The following DEFB110 variants were observed in gnomAD, a reference collection of about 807,000 sequenced individuals.
The protein encoded by DEFB110 is defensin beta 110, also known as beta-defensin 110.
In DEFB110, 4 loss-of-function variants were observed where a neutral mutation model predicts 2.5. That is an observed-to-expected ratio of 1.60 (90% CI 0.79 to 3.66). The LOEUF is 3.66. DEFB110 is among the 30% of genes most tolerant of loss of function. The probability of loss-of-function intolerance (pLI) is 0.01; values close to 1 mark genes in which losing one functional copy is unlikely to be tolerated. For missense variants in DEFB110, 94 were observed against 75.4 expected (o/e 1.25, Z -0.91); for synonymous variants, 29 against 21.8 (o/e 1.33, Z -0.92).
At chr6:50,010,259 T>C (rs1469906485) in intron 1 of DEFB110, among the ~76,000 whole-genome samples, 2 of 151,940 alleles carry the variant, frequency 1.3e-5, no homozygotes, top group African/African-American at 2.4e-5. Context: ...ATGAATTGAA[T>C]TGAATTCAGA....
At chr6:50,013,654 T>C (rs976435168) in intron 1 of DEFB110, among the ~76,000 whole-genome samples, 1 of 151,798 alleles carries the variant, frequency 6.6e-6, no homozygotes, top group Non-Finnish European at 1.5e-5. Flanking sequence ...ATTAAGTTAA[T>C]GAAACTTGAA....
chr6:50,020,455 TAC>T (rs1774400071), intron 1 of DEFB110, among the ~76,000 whole-genome samples: 1 of 152,174 alleles, frequency 6.6e-6, no homozygotes, highest in South Asian at 2.1e-4. Context: ...TTTTTTTGTA[TAC>T]ACATCAAATT....
intron 1 of DEFB110, among the ~76,000 whole-genome samples, chr6:50,021,095 T>C (rs1364688179): frequency 3.3e-5 from 5 of 152,162 alleles, no homozygotes; most frequent in Non-Finnish European, 7.4e-5. Flanking sequence ...ATTGCTAATC[T>C]CCTTTGCAAG....
downstream of DEFB110, among the ~76,000 whole-genome samples, chr6:50,013,961 T>C (rs1774273278): frequency 6.6e-6 from 1 of 151,786 alleles, no homozygotes; most frequent in East Asian, 1.9e-4. Flanking sequence ...GTAGGTTCGG[T>C]AAGTAGTAAT....
At position 50,018,960 on chromosome 6, in the gene DEFB110, C is replaced by T. The variant is rs1424415173; in HGVS notation, c.*17G>A. On this transcript the variant is annotated 3_prime_UTR_variant, in exon 2 of 2. Coordinates refer to ENST00000371148, the MANE Select transcript of DEFB110 (RefSeq NM_001037497.2). ...GTCTCTCTTCTTGGAGCTTGTGACT[C>T]TTTTCTTCTGTCATCGTTACTGCTG... 1 of 1,602,746 alleles carries T rather than the reference C, an allele frequency of 6.2e-7. No individual in the cohort carries two copies. Among genetic ancestry groups the T allele is most frequent in the Middle Eastern group, 1.7e-4 (1 of 5,974 alleles).
rs193184843 is a variant in DEFB110 at position 50,018,843 on chromosome 6, T to C, written c.*134A>G. The C allele has an allele frequency of 2.2e-4, 308 of 1,425,210 alleles. No homozygotes were observed. In the African/African-American group the frequency reaches 3.6e-3, roughly 17 times the overall value. 88.3% of individuals were successfully genotyped at this position (1,425,210 alleles called of 1,614,324 possible). A position where few individuals can be genotyped will look rare whatever the true frequency, so the allele number is the denominator to read the frequency against. Reference sequence around the variant, plus strand: ...CATGAGCGTGACATATGATCACTTCTGAATGGTTCAACATTAATTTTTATT... The same window carrying C: ...CATGAGCGTGACATATGATCACTTCCGAATGGTTCAACATTAATTTTTATT... On this transcript the variant is annotated 3_prime_UTR_variant, in exon 2 of 2. Coordinates refer to ENST00000371148, the MANE Select transcript of DEFB110 (RefSeq NM_001037497.2).
chr6:50,018,232 C>T (rs552142848), downstream of DEFB110, among the ~76,000 whole-genome samples: 1 of 151,856 alleles, frequency 6.6e-6, no homozygotes, highest in Non-Finnish European at 1.5e-5. Flanking sequence ...TGTCATGGAT[C>T]TCCTCAGACA....
In DEFB110 at chr6:50,021,805, C is replaced by T. The variant is rs898811260; in HGVS notation, c.55+76G>A. 7 of 1,353,594 alleles carry T rather than the reference C, an allele frequency of 5.2e-6. No homozygotes were observed. The Admixed American group carries it at 7.9e-5, about 15-fold the overall frequency. 83.8% of individuals were successfully genotyped at this position (1,353,594 alleles called of 1,614,324 possible). A position where few individuals can be genotyped will look rare whatever the true frequency, so the allele number is the denominator to read the frequency against. On this transcript the variant is annotated intron_variant, in intron 1 of 1. Coordinates refer to ENST00000371148, the MANE Select transcript of DEFB110 (RefSeq NM_001037497.2). The stretch of plus-strand genomic sequence containing the variant: ...GATGTTTTAATCCCTATGTTATTAT[C>T]ATATTTTTTATCAAGAAACAACTTA...
At chr6:50,015,218 GTTTGTA>G (rs1774296761), downstream of DEFB110, among the ~76,000 whole-genome samples, 1 of 151,586 alleles carries the variant, frequency 6.6e-6, no homozygotes, top group South Asian at 2.1e-4. Flanking sequence ...ATTCCTCATT[GTTTGTA>G]TTATTATGGA....
In DEFB110 at chr6:50,009,278, T is replaced by C. The variant is rs114990720; in HGVS notation, c.56-7A>G. On this transcript the variant is annotated splice_polypyrimidine_tract_variant and splice_region_variant and intron_variant, in intron 1 of 1. Coordinates refer to the DEFB110 transcript ENST00000393660. ...GGTTCAAAATTGCTTCTGGCTGCAA[T>C]CAAGAAAAATATCTAAAGTTATTAG... 3.5e-4 allele frequency: 562 copies of C among 1,588,106 alleles called. 2 individuals carry two copies. The African/African-American group carries it at 7.0e-3, about 20-fold the overall frequency.
chr6:50,014,885 ATC>A (rs1396997960), downstream of DEFB110, among the ~76,000 whole-genome samples: 1 of 151,800 alleles, frequency 6.6e-6, no homozygotes, highest in Non-Finnish European at 1.5e-5. Context: ...TAGTCCCTCA[ATC>A]TCTGCATTAG....
intron 1 of DEFB110, among the ~76,000 whole-genome samples, chr6:50,010,633 T>A (rs536675192): frequency 1.9e-4 from 25 of 132,884 alleles, no homozygotes; most frequent in East Asian, 9.7e-4. Context: ...ATATATATAT[T>A]TTTTTAGTGA....
chr6:50,013,295 T>A (rs1359405319), intron 1 of DEFB110, among the ~76,000 whole-genome samples: 1 of 151,796 alleles, frequency 6.6e-6, no homozygotes, highest in Non-Finnish European at 1.5e-5. Flanking sequence ...GATAAAAGCA[T>A]ATTTTCCTGA....
downstream of DEFB110, among the ~76,000 whole-genome samples, chr6:50,017,948 T>A (rs1466830749): frequency 6.6e-6 from 1 of 152,018 alleles, no homozygotes; most frequent in Non-Finnish European, 1.5e-5. Flanking sequence ...AAATATTGGT[T>A]AATTTTATTT....
downstream of DEFB110, among the ~76,000 whole-genome samples, chr6:50,017,564 G>C (rs1774338237): frequency 6.6e-6 from 1 of 151,762 alleles, no homozygotes; most frequent in Non-Finnish European, 1.5e-5. Context: ...CCACAACAAA[G>C]ATTACCTGGA....
intron 1 of DEFB110, among the ~76,000 whole-genome samples, chr6:50,011,912 A>G (rs185768461): frequency 5.3e-5 from 8 of 152,216 alleles, no homozygotes; most frequent in African/African-American, 1.9e-4. Flanking sequence ...TTTCAAAATC[A>G]GATAGAATTA....
intron 1 of DEFB110, among the ~76,000 whole-genome samples, chr6:50,013,560 G>T (rs1435557635): frequency 1.3e-5 from 2 of 151,548 alleles, no homozygotes; most frequent in African/African-American, 2.4e-5. Flanking sequence ...CTCTTTTAAG[G>T]GAGGAAATAG....
downstream of DEFB110, among the ~76,000 whole-genome samples, chr6:50,014,588 A>T (rs1774284550): frequency 6.6e-6 from 1 of 151,872 alleles, no homozygotes; most frequent in Non-Finnish European, 1.5e-5. Context: ...CGGGAAAAAG[A>T]TGCTGGAAAT....
At chr6:50,010,924 T>C (rs972030640) in intron 1 of DEFB110, among the ~76,000 whole-genome samples, 3 of 151,828 alleles carry the variant, frequency 2.0e-5, no homozygotes, top group African/African-American at 2.4e-5. Flanking sequence ...AATAGTAATA[T>C]TTAAAATGTA....
Sources: gnomAD v4.1 joint callset for allele counts (sites outside exome capture counted in the v4.1 genomes callset) on GRCh38, gnomAD v4.1.1 for gene constraint, MANE v1.5 for transcripts, NCBI Gene and HGNC (gene_info 2026-07-23, HGNC 2026-07-21) for gene names.